The following RANBP10 variants were observed in gnomAD, a reference collection of about 807,000 sequenced individuals.
RANBP10 encodes ran-binding protein 10.
RANBP10 carries 24 observed loss-of-function variants against 72.8 expected under a neutral mutation model. The observed-to-expected ratio is 0.33, with a 90% CI of 0.24 to 0.46. RANBP10 has a LOEUF of 0.46. Ranked by LOEUF, RANBP10 falls within the 20% of genes least tolerant of loss-of-function variation. The pLI is 1.00. For synonymous variants in RANBP10, 310 were observed against 322.3 expected, an observed-to-expected ratio of 0.96 and a Z score of 0.41; for missense variants, 679 against 817.5, an observed-to-expected ratio of 0.83 and a Z score of 2.07.
Position 67,729,125 on chromosome 16 carries a change from C to G in RANBP10, c.1352+155G>C, listed in dbSNP as rs566138220. Among the ~76,000 whole-genome samples the G allele has an allele frequency of 6.6e-6, 1 of 152,254 alleles. No individual in the cohort carries two copies. The highest frequency in any genetic ancestry group is 1.5e-5 in the Non-Finnish European group (1 of 68,048). The stretch of plus-strand genomic sequence containing the variant: ...TCGTGGGGAGGGCCAGAAGCCAGAG[C>G]TGATGTCTGGCCCGGTGGGCCAAAA... On this transcript the variant is annotated intron_variant, in intron 10 of 13. Transcript: ENST00000317506. This position sits in a 1 kb window ranked among gnomAD's most constrained non-coding sequence, Gnocchi z 7.1.
At chr16:67,728,923 G>T (rs1038599852) in intron 10 of RANBP10, among the ~76,000 whole-genome samples, 3 of 152,258 alleles carry the variant, frequency 2.0e-5, no homozygotes, top group Non-Finnish European at 1.5e-5. Context: ...CTAGCCTGCG[G>T]CTTAGCTTCC....
chr16:67,769,813 C>T (rs1411311299), intron 3 of RANBP10, among the ~76,000 whole-genome samples: 1 of 145,216 alleles, frequency 6.9e-6, no homozygotes, highest in Non-Finnish European at 1.5e-5. Context: ...TGCCAGTAAT[C>T]CTAATACTTT....
chr16:67,786,543 C>T (rs1416877926), intron 2 of RANBP10, among the ~76,000 whole-genome samples: 2 of 152,116 alleles, frequency 1.3e-5, no homozygotes, highest in Non-Finnish European at 2.9e-5. Context: ...ATACAATAAG[C>T]ACATAACAAG....
chr16:67,802,697 ACC>A (rs1476243562), intron 2 of RANBP10, among the ~76,000 whole-genome samples: 2 of 152,210 alleles, frequency 1.3e-5, no homozygotes, highest in Non-Finnish European at 2.9e-5. Flanking sequence ...AGCCATGTTT[ACC>A]ACATGTAAAA....
At chr16:67,797,277 A>G (rs1468021318) in intron 2 of RANBP10, among the ~76,000 whole-genome samples, 1 of 152,186 alleles carries the variant, frequency 6.6e-6, no homozygotes, top group Non-Finnish European at 1.5e-5. Flanking sequence ...CTTGACCAAG[A>G]AGGCCCCAGC....
chr16:67,729,165 C>G lies in RANBP10; in HGVS notation c.1352+115G>C. On this transcript the variant is annotated intron_variant, in intron 10 of 13. Coordinates refer to ENST00000317506, the MANE Select transcript of RANBP10 (RefSeq NM_020850.3). The surrounding 1 kb of genome is among the most constrained non-coding windows in gnomAD (Gnocchi z 7.1). ...GTGGGCCAAAAATTAGGACTCCAGG[C>G]ACAGACCTGAGATGGAGGCTGGGGG... The G allele has an allele frequency of 6.6e-7, 1 of 1,518,304 alleles. No homozygotes were observed. Among genetic ancestry groups the G allele is most frequent in the South Asian group, 1.3e-5 (1 of 75,988 alleles). The allele number at this position is 1,518,304 out of a possible 1,614,324, so 94.1% of individuals were successfully genotyped here.
At position 67,725,976 on chromosome 16, in the gene RANBP10, A is replaced by T. The variant is rs1484972268; in HGVS notation, c.*452T>A. On this transcript the variant is annotated 3_prime_UTR_variant, in exon 14 of 14. Coordinates refer to ENST00000317506, the MANE Select transcript of RANBP10 (RefSeq NM_020850.3). ...TTTTTTTTAATATATATATTTTTAT[A>T]TATATATATATAATCTCATTTGTTT... The T allele has an allele frequency of 2.7e-5, 4 of 148,294 alleles. No homozygotes were observed. The highest frequency in any genetic ancestry group is 7.3e-5 in the African/African-American group (3 of 40,822). The allele number at this position is 148,294 out of a possible 1,614,324, so 9.2% of individuals were successfully genotyped here. A position where few individuals can be genotyped will look rare whatever the true frequency, so the allele number is the denominator to read the frequency against.
chr16:67,727,543 A>C, intron 12 of RANBP10, 105 bp from the exon 13 acceptor site: 1 of 1,334,524 alleles, frequency 7.5e-7, no homozygotes, highest in South Asian at 1.3e-5. Context: ...CCCAGCCTGG[A>C]ATGTGGGGTG....
rs376140906 is a variant in RANBP10 at position 67,734,828 on chromosome 16, A to C, written c.776+30T>G. 5.3e-6 allele frequency: 8 copies of C among 1,519,934 alleles called. No individual in the cohort carries two copies. In the African/African-American group the frequency reaches 8.3e-5, roughly 16 times the overall value. The allele number at this position is 1,519,934 out of a possible 1,614,324, so 94.2% of individuals were successfully genotyped here. ...GTGAAGTGGGCTGGGGTGGGGTGGG[A>C]GTGGGTAAGGGCAGGAGCAGGGCAC... is the stretch of plus-strand genomic sequence containing the variant. On this transcript the variant is annotated intron_variant, in intron 6 of 13. Coordinates refer to ENST00000317506, the MANE Select transcript of RANBP10 (RefSeq NM_020850.3).
chr16:67,776,084 G>A (rs1597893383), intron 2 of RANBP10, among the ~76,000 whole-genome samples: 1 of 151,486 alleles, frequency 6.6e-6, no homozygotes, highest in Non-Finnish European at 1.5e-5. Context: ...GGCGGAGCTT[G>A]CAGTGAGCCG....
chr16:67,727,829 A>T lies in RANBP10; in HGVS notation c.1542T>A (p.Phe514Leu). Residue 514 changes from phenylalanine (F) to leucine (L), a missense_variant, in exon 12 of 14, where the codon TTT becomes TTA. Transcript: ENST00000317506. ...NQAATERIIL[F>L]GRELQALSEQ... ...CACTCAATGCCTGCAACTCGCGGCC[A>T]AACAGAATGATCCTTTCTGTGGCAG... 1 of 1,614,196 alleles carries T rather than the reference A, an allele frequency of 6.2e-7. No homozygotes were observed. Among genetic ancestry groups the T allele is most frequent in the Non-Finnish European group, 8.5e-7 (1 of 1,180,054 alleles).
intron 2 of RANBP10, among the ~76,000 whole-genome samples, chr16:67,804,496 T>C (rs1162550367): frequency 6.6e-6 from 1 of 151,816 alleles, no homozygotes; most frequent in African/African-American, 2.4e-5. Context: ...CCACCTCCCA[T>C]GTTCAAGTGA....
chr16:67,728,463 T>C lies in RANBP10; in HGVS notation c.1401A>G (p.Leu467=), dbSNP rs2053653608. ...TAACAATGCGTGTGGACATGCTTCC[T>C]AGCACACCGTTGGGGTAGTGCTCTG... ...MEAEHYPNGV[L]GSMSTRIVNG... Residue 467 remains leucine, a synonymous_variant, in exon 11 of 14, where the codon CTA becomes CTG. Transcript: ENST00000317506. 8 of 1,614,190 alleles carry C rather than the reference T, an allele frequency of 5.0e-6. No individual in the cohort carries two copies. The highest frequency in any genetic ancestry group is 1.7e-5 in the Admixed American group (1 of 60,026).
intron 2 of RANBP10, among the ~76,000 whole-genome samples, chr16:67,786,351 A>G (rs1747764261): frequency 6.6e-6 from 1 of 152,166 alleles, no homozygotes; most frequent in African/African-American, 2.4e-5. Flanking sequence ...ATAAAAATAA[A>G]AAATAAGAGA....
At position 67,803,378 on chromosome 16, in the gene RANBP10, C is replaced by T. The variant is rs549953958; in HGVS notation, c.347+2050G>A. On this transcript the variant is annotated intron_variant, in intron 2 of 13. Transcript: ENST00000317506. Reference sequence around the variant, plus strand: ...ATAATTTAAAAAATTAGGCTGGGTGCGGTGGCCCACACCTGTAATCCCAGC... The same window carrying T: ...ATAATTTAAAAAATTAGGCTGGGTGTGGTGGCCCACACCTGTAATCCCAGC... 4.0e-5 allele frequency among the ~76,000 whole-genome samples: 6 copies of T among 151,844 alleles called. No homozygotes were observed. In the South Asian group the frequency reaches 8.3e-4, roughly 21 times the overall value.
At chr16:67,773,699 A>G (rs895714640) in intron 2 of RANBP10, among the ~76,000 whole-genome samples, 2 of 152,210 alleles carry the variant, frequency 1.3e-5, no homozygotes, top group African/African-American at 4.8e-5. Context: ...GGCTTAGGGA[A>G]AAAGGTAGAG....
At position 67,805,426 on chromosome 16, in the gene RANBP10, AC is replaced by A. The variant is rs1363328177; in HGVS notation, c.347+1del. The A allele has an allele frequency of 6.2e-7, 1 of 1,612,398 alleles. No individual in the cohort carries two copies. Among genetic ancestry groups the A allele is most frequent in the Admixed American group, 1.7e-5 (1 of 59,984 alleles). ...GAAAGAGGGTGGTCATGAAGGGCTT[AC>A]CCATCTCTTCCTTTGCTGACAATCT... On this transcript the variant is annotated splice_donor_variant, in intron 2 of 13. Transcript: ENST00000317506. LOFTEE classifies it high-confidence loss of function.
chr16:67,733,847 G>C (rs1233064664), intron 6 of RANBP10, among the ~76,000 whole-genome samples: 1 of 152,164 alleles, frequency 6.6e-6, no homozygotes, highest in Non-Finnish European at 1.5e-5. Flanking sequence ...CATGTGCTGA[G>C]CCTAGGCCCT....
At chr16:67,770,620 G>A (rs2054591002) in intron 3 of RANBP10, among the ~76,000 whole-genome samples, 1 of 152,160 alleles carries the variant, frequency 6.6e-6, no homozygotes, top group Non-Finnish European at 1.5e-5. Flanking sequence ...CCTGGATCAT[G>A]TCACTTCTGC....
Sources: allele counts gnomAD v4.1 joint callset (sites outside exome capture counted in the v4.1 genomes callset), GRCh38; gene constraint gnomAD v4.1.1; non-coding constraint Gnocchi (gnomAD v3.1); transcripts MANE v1.5; gene names NCBI Gene and HGNC (gene_info 2026-07-23, HGNC 2026-07-21).